LINGO2: variants seen among roughly 807,000 people sequenced by gnomAD.
LINGO2 encodes leucine-rich repeat and immunoglobulin-like domain-containing nogo receptor-interacting protein 2.
Under a neutral mutation model 30.6 loss-of-function variants are expected in LINGO2, and 14 were observed. That is an observed-to-expected ratio of 0.46 (90% confidence interval 0.30 to 0.72). The LOEUF (loss-of-function observed/expected upper bound fraction) is 0.72, where lower values mean the gene tolerates loss of function less well. Ranked by LOEUF, LINGO2 falls within the 30% of genes least tolerant of loss-of-function variation. LINGO2 has a pLI of 0.07. For missense variants in LINGO2, 729 were observed against 751.7 expected, an observed-to-expected ratio of 0.97 and a Z score of 0.35; for synonymous variants, 317 against 288.5, an observed-to-expected ratio of 1.10 and a Z score of -1.00.
At chr9:29,162,731 T>G in the LINGO2 span, among the ~76,000 whole-genome samples, 4 of 152,058 alleles carry the variant, frequency 2.6e-5, no homozygotes, top group African/African-American at 9.7e-5. Flanking sequence ...TATAAAATAA[T>G]TAATATAAAA....
At chr9:28,874,624 G>T in the LINGO2 span, among the ~76,000 whole-genome samples, 7 of 151,942 alleles carry the variant, frequency 4.6e-5, no homozygotes, top group Admixed American at 3.3e-4. Context: ...ATCTTCAGTG[G>T]TGGAACCAGG....
intron 4 of LINGO2, among the ~76,000 whole-genome samples, chr9:28,118,332 C>T (rs1458533017): frequency 6.6e-6 from 1 of 152,102 alleles, no homozygotes; most frequent in Admixed American, 6.6e-5. Context: ...AAATGAATAG[C>T]AGGTATTATT....
At chr9:28,871,160 T>C in the LINGO2 span, among the ~76,000 whole-genome samples, 3 of 151,724 alleles carry the variant, frequency 2.0e-5, no homozygotes, top group Admixed American at 6.6e-5. Flanking sequence ...TAAATTATAA[T>C]TCAATATTGC....
At position 28,127,247 on chromosome 9, in the gene LINGO2, G is replaced by T. The variant is rs552198935; in HGVS notation, c.-86-114842C>A. 2.0e-5 allele frequency among the ~76,000 whole-genome samples: 3 copies of T among 152,240 alleles called. No individual in the cohort carries two copies. In the South Asian group the frequency reaches 6.2e-4, roughly 32 times the overall value. On this transcript the variant is annotated intron_variant, in intron 4 of 5. Coordinates refer to ENST00000379992, the Ensembl canonical transcript of LINGO2. ...TTGGTGAATAGAATGTAGTATAAAC[G>T]ATGTCCAGGGATTTTGATGCTTATG...
At chr9:28,833,782 C>T in the LINGO2 span, among the ~76,000 whole-genome samples, 6 of 152,210 alleles carry the variant, frequency 3.9e-5, no homozygotes, top group Non-Finnish European at 7.4e-5. Context: ...AAAGAAAGCA[C>T]GTTTCTATTT....
chr9:29,174,804 G>A, the LINGO2 span, among the ~76,000 whole-genome samples: 106 of 152,246 alleles, frequency 7.0e-4, no homozygotes, highest in African/African-American at 2.3e-3. Context: ...TGGTGTCTAC[G>A]TGCACATGAA....
intron 1 of LINGO2, among the ~76,000 whole-genome samples, chr9:28,654,130 TGTTCACAAA>T (rs1250989683): frequency 1.3e-5 from 2 of 152,274 alleles, no homozygotes; most frequent in Non-Finnish European, 2.9e-5. Context: ...TTCCAAATTA[TGTTCACAAA>T]TTGCATCTTC....
the LINGO2 span, among the ~76,000 whole-genome samples, chr9:28,844,031 A>G: frequency 1.3e-4 from 20 of 151,768 alleles, no homozygotes; most frequent in Non-Finnish European, 2.5e-4. Context: ...CTATATCAAC[A>G]CCTTGTATTT....
At chr9:28,961,384 AGGG>A in the LINGO2 span, among the ~76,000 whole-genome samples, 1 of 152,200 alleles carries the variant, frequency 6.6e-6, no homozygotes, top group Non-Finnish European at 1.5e-5. Flanking sequence ...TTTCATAGCC[AGGG>A]AATAACTTGT....
intron 1 of LINGO2, among the ~76,000 whole-genome samples, chr9:28,518,886 TAA>T (rs563787798): frequency 3.4e-4 from 52 of 152,330 alleles, no homozygotes; most frequent in African/African-American, 1.3e-3. Flanking sequence ...AGAGAAAAGG[TAA>T]AGTTTTGACT....
At chr9:28,392,110 G>C (rs1384631470) in intron 2 of LINGO2, among the ~76,000 whole-genome samples, 1 of 152,194 alleles carries the variant, frequency 6.6e-6, no homozygotes, top group Non-Finnish European at 1.5e-5. Context: ...GGCTGAGGCA[G>C]GAGAATCTCT....
At chr9:28,584,269 C>T (rs1206545028) in intron 1 of LINGO2, among the ~76,000 whole-genome samples, 1 of 152,040 alleles carries the variant, frequency 6.6e-6, no homozygotes, top group Non-Finnish European at 1.5e-5. Flanking sequence ...ATTCTGTTTA[C>T]ATTCAGTATT....
chr9:28,806,180 TC>T, the LINGO2 span, among the ~76,000 whole-genome samples: 1 of 152,140 alleles, frequency 6.6e-6, no homozygotes, highest in African/African-American at 2.4e-5. Context: ...GACTCAAAAT[TC>T]TACTACAGAT....
At chr9:28,984,567 T>C in the LINGO2 span, among the ~76,000 whole-genome samples, 18 of 152,206 alleles carry the variant, frequency 1.2e-4, no homozygotes, top group African/African-American at 4.1e-4. Context: ...TTGTACTGTT[T>C]GGATGCTTTC....
intron 5 of LINGO2, among the ~76,000 whole-genome samples, chr9:28,004,577 T>C (rs997890994): frequency 7.9e-5 from 12 of 152,224 alleles, no homozygotes; most frequent in Non-Finnish European, 1.2e-4. Context: ...GAGTGTGATA[T>C]ATTAGTTGAT....
intron 4 of LINGO2, among the ~76,000 whole-genome samples, chr9:28,247,767 A>T (rs1373814507): frequency 6.6e-6 from 1 of 152,230 alleles, no homozygotes; most frequent in Non-Finnish European, 1.5e-5. Context: ...TTAAAAAAAA[A>T]ATTGAATATC....
the LINGO2 span, among the ~76,000 whole-genome samples, chr9:28,937,905 C>T: frequency 3.3e-5 from 5 of 152,152 alleles, no homozygotes; most frequent in East Asian, 5.8e-4. Flanking sequence ...TCCTAGGACC[C>T]ACTGGTTATT....
chr9:29,109,425 T>G, the LINGO2 span, among the ~76,000 whole-genome samples: 4 of 88,984 alleles, frequency 4.5e-5, no homozygotes, highest in African/African-American at 1.7e-4. Flanking sequence ...AAATCTTTTA[T>G]TTTATAAAAC....
At chr9:28,716,901 A>T in the LINGO2 span, among the ~76,000 whole-genome samples, 2 of 152,046 alleles carry the variant, frequency 1.3e-5, no homozygotes, top group Non-Finnish European at 2.9e-5. Flanking sequence ...CTATGTCTGG[A>T]AATTCCTGAT....
Sources: allele counts gnomAD v4.1 joint callset (sites outside exome capture counted in the v4.1 genomes callset), GRCh38; gene constraint gnomAD v4.1.1; transcripts MANE v1.5; gene names NCBI Gene and HGNC (gene_info 2026-07-23, HGNC 2026-07-21).